CAST: variants seen among roughly 807,000 people sequenced by gnomAD.
CAST encodes the protein MIR583 host.
Under a neutral mutation model 119.6 loss-of-function variants are expected in CAST, and 76 were observed. That is an observed-to-expected ratio of 0.64 (90% CI 0.53 to 0.77). The LOEUF (loss-of-function observed/expected upper bound fraction) is 0.77. Ranked by LOEUF, CAST falls within the 30% of genes least tolerant of loss-of-function variation. The probability of loss-of-function intolerance (pLI) is 0.00; values close to 1 mark genes in which losing one functional copy is unlikely to be tolerated. For synonymous variants in CAST, 319 were observed against 331.6 expected (o/e 0.96, Z 0.41); for missense variants, 953 against 946.5 (o/e 1.01, Z -0.09).
chr5:96,084,553 C>T, the CAST span, among the ~76,000 whole-genome samples: 4 of 152,148 alleles, frequency 2.6e-5, no homozygotes, highest in Admixed American at 6.5e-5. Flanking sequence ...ATTTGTTGGT[C>T]GCAGGCACCA....
intron 1 of CAST, among the ~76,000 whole-genome samples, chr5:96,603,096 A>G (rs1747185687): frequency 1.3e-5 from 2 of 152,252 alleles, no homozygotes; most frequent in Admixed American, 1.3e-4. Flanking sequence ...TTTGAAATCA[A>G]TGCGTAATGG....
chr5:96,364,426 G>A, the CAST span, among the ~76,000 whole-genome samples: 1 of 151,090 alleles, frequency 6.6e-6, no homozygotes, highest in East Asian at 1.9e-4. Context: ...CCTTCTTGTA[G>A]AATTCGGCTG....
chr5:96,410,932 G>C, the CAST span: 1 of 1,614,030 alleles, frequency 6.2e-7, no homozygotes, highest in Non-Finnish European at 8.5e-7. Flanking sequence ...TTATCTCCCT[G>C]ACGCCCCCCG....
At chr5:96,480,182 G>A in the CAST span, among the ~76,000 whole-genome samples, 1 of 152,130 alleles carries the variant, frequency 6.6e-6, no homozygotes, top group Non-Finnish European at 1.5e-5. Context: ...ATAACTGTAG[G>A]GAAATAAGGC....
rs1382820695 is a variant in CAST, at chr5:96,726,847, A to C, written c.324A>C (p.Lys108Asn). The C allele has an allele frequency of 1.2e-6, 2 of 1,612,702 alleles. No homozygotes were observed. Among genetic ancestry groups the C allele is most frequent in the Non-Finnish European group, 1.7e-6 (2 of 1,178,866 alleles). The change falls in exon 5 of 32, where the codon AAA (lysine) becomes AAC (asparagine). Residue 108 changes from lysine to asparagine, a missense_variant. Lys to Asn is a moderately conservative substitution (Grantham distance 94). Transcript: ENST00000675179. Reference protein sequence around the residue: ...MEGPHLPNKKKHKKQAVKTEP... With the variant: ...MEGPHLPNKKNHKKQAVKTEP... Reference sequence around the variant, plus strand: ...GACCACATCTTCCTAACAAGAAAAAACACAAAAAACAGGTGATGTTGTTCA... The same window carrying C: ...GACCACATCTTCCTAACAAGAAAAACCACAAAAAACAGGTGATGTTGTTCA...
At chr5:96,540,797 T>C (rs1051532257) in intron 1 of CAST, among the ~76,000 whole-genome samples, 1 of 152,198 alleles carries the variant, frequency 6.6e-6, no homozygotes, top group African/African-American at 2.4e-5. Flanking sequence ...TCAGCTATGA[T>C]GTAGGATGCT....
intron 1 of CAST, among the ~76,000 whole-genome samples, chr5:96,535,760 A>G (rs1257507761): frequency 6.6e-6 from 1 of 151,006 alleles, no homozygotes; most frequent in Non-Finnish European, 1.5e-5. Flanking sequence ...TTTTTGGTAG[A>G]GACGGGGTTT....
rs1189100090 is a variant in CAST, at chr5:96,561,786, G to GGTTTTTTTTTTT, written c.60+31906_60+31907insGTTTTTTTTTTT. Among the ~76,000 whole-genome samples, 809 of 105,302 alleles carry GGTTTTTTTTTTT rather than the reference G, an allele frequency of 7.7e-3. 103 individuals carry two copies. The highest frequency in any genetic ancestry group is 0.015 in the African/African-American group (429 of 28,628). The allele number at this position is 105,302 out of a possible 152,430, so 69.1% of individuals were successfully genotyped here. ...ATGTATATATGTGTATTATATATAT[G>GGTTTTTTTTTTT]TTTTTTTTTGTTTTTTTTTTTTTTG... On this transcript the variant is annotated intron_variant, in intron 1 of 11. Transcript: ENST00000505143.
At chr5:96,194,250 C>T in the CAST span, among the ~76,000 whole-genome samples, 1 of 152,166 alleles carries the variant, frequency 6.6e-6, no homozygotes, top group Non-Finnish European at 1.5e-5. Context: ...AAGTACTTTC[C>T]AAACCTGCAT....
chr5:96,634,501 A>T (rs1308766484), intron 1 of CAST, among the ~76,000 whole-genome samples: 4 of 152,214 alleles, frequency 2.6e-5, no homozygotes, highest in Non-Finnish European at 5.9e-5. Context: ...ATTCCAGCAG[A>T]ATGGACTCTT....
chr5:96,034,160 C>T, the CAST span, among the ~76,000 whole-genome samples: 1 of 151,880 alleles, frequency 6.6e-6, no homozygotes, highest in Non-Finnish European at 1.5e-5. Context: ...ATAGACATTT[C>T]TCAAAACAAG....
the CAST span, among the ~76,000 whole-genome samples, chr5:96,236,310 A>G: frequency 6.6e-6 from 1 of 151,982 alleles, no homozygotes; most frequent in South Asian, 2.1e-4. Flanking sequence ...TCTTTGCCAA[A>G]CTCCTGGATT....
At chr5:96,672,430 C>A (rs1750188847) in intron 1 of CAST, among the ~76,000 whole-genome samples, 1 of 152,122 alleles carries the variant, frequency 6.6e-6, no homozygotes, top group Non-Finnish European at 1.5e-5. Context: ...AGGAACTGGG[C>A]CGGGAGCGGT....
At chr5:95,967,587 TC>T in the CAST span, among the ~76,000 whole-genome samples, 8 of 152,148 alleles carry the variant, frequency 5.3e-5, no homozygotes, top group African/African-American at 1.7e-4. Flanking sequence ...ATGCTACTGT[TC>T]TTCTAACAGT....
At chr5:96,126,285 G>A in the CAST span, among the ~76,000 whole-genome samples, 9 of 152,058 alleles carry the variant, frequency 5.9e-5, no homozygotes, top group African/African-American at 2.2e-4. Flanking sequence ...GCAATTTGTG[G>A]GGAAGCTATA....
the CAST span, among the ~76,000 whole-genome samples, chr5:96,413,603 C>T: frequency 6.7e-6 from 1 of 150,358 alleles, no homozygotes; most frequent in African/African-American, 2.5e-5. Flanking sequence ...AGTTCAAGAC[C>T]AGCCTGGCCA....
chr5:96,344,026 G>T, the CAST span, among the ~76,000 whole-genome samples: 1 of 152,176 alleles, frequency 6.6e-6, no homozygotes, highest in Non-Finnish European at 1.5e-5. Context: ...GAATTGGATC[G>T]TAACCCCTAC....
the CAST span, among the ~76,000 whole-genome samples, chr5:96,052,943 T>A: frequency 6.6e-6 from 1 of 152,136 alleles, no homozygotes; most frequent in Non-Finnish European, 1.5e-5. Context: ...TTTCATTGAG[T>A]TTATTCTTTA....
At chr5:96,722,789 T>C (rs1283308821) in intron 4 of CAST, 91 bp downstream of exon 4, 6 of 912,220 alleles carry the variant, frequency 6.6e-6, no homozygotes, top group Admixed American at 1.8e-5. Context: ...TGATGAGTTA[T>C]ATATGCTAGG....
Sources: gnomAD v4.1 joint callset for allele counts (sites outside exome capture counted in the v4.1 genomes callset) on GRCh38, gnomAD v4.1.1 for gene constraint, MANE v1.5 for transcripts, NCBI Gene and HGNC (gene_info 2026-07-23, HGNC 2026-07-21) for gene names.